GCNT4: variants seen among roughly 807,000 people sequenced by gnomAD.
The protein encoded by GCNT4 is glucosaminyl (N-acetyl) transferase 4.
GCNT4 carries 17 observed loss-of-function variants against 31.3 expected under a neutral mutation model. The observed-to-expected ratio is 0.54, with a 90% CI of 0.37 to 0.81. GCNT4 has a LOEUF of 0.81. Ranked by LOEUF, GCNT4 falls within the 40% of genes least tolerant of loss-of-function variation. The pLI is 0.00. For synonymous variants in GCNT4, 158 were observed against 190.6 expected (o/e 0.83, Z 1.41); for missense variants, 503 against 525.5 (o/e 0.96, Z 0.42).
chr5:75,034,483 T>C (rs952935124), intron 3 of GCNT4, among the ~76,000 whole-genome samples: 13 of 152,228 alleles, frequency 8.5e-5, no homozygotes, highest in African/African-American at 3.1e-4. Context: ...CAATGTCACC[T>C]TCTGCAAGCA....
rs181854839 is a variant in GCNT4 at position 75,028,885 on chromosome 5, A to C, written c.1153T>G (p.Ser385Ala). 26 of 1,614,080 alleles carry C rather than the reference A, an allele frequency of 1.6e-5. 1 individual carries two copies. In the Admixed American group the frequency reaches 4.0e-4, roughly 25 times the overall value. The change falls in exon 4 of 4, where the codon TCT (serine) becomes GCT (alanine). Residue 385 changes from serine to alanine, a missense_variant. Coordinates refer to ENST00000652361, the MANE Select transcript of GCNT4 (RefSeq NM_001366737.1). The stretch of plus-strand genomic sequence containing the variant: ...TAAATACACACGCTTCGAAGGTGAG[A>C]TCCAGTACAACTGGGATAGAAAAAG... ...EGFFYPSCTG[S>A]HLRSVCIYGA...
At position 75,029,719 on chromosome 5, in the gene GCNT4, T is replaced by C. The variant is rs200713167; in HGVS notation, c.319A>G (p.Thr107Ala). The C allele has an allele frequency of 6.2e-7, 1 of 1,614,118 alleles. No individual in the cohort carries two copies. The highest frequency in any genetic ancestry group is 8.5e-7 in the Non-Finnish European group (1 of 1,180,018). The change falls in exon 4 of 4, where the codon ACC (threonine) becomes GCC (alanine). Residue 107 changes from threonine (T) to alanine (A), a missense_variant. Transcript: ENST00000652361. The stretch of plus-strand genomic sequence containing the variant: ...GTCTGATAAATGTCACAATCACTGG[T>C]CATTGCCACAACATCATCATCCTCC... ...DLEDDDVVAM[T>A]SDCDIYQTLR...
upstream of GCNT4, among the ~76,000 whole-genome samples, chr5:75,053,958 T>G (rs575041962): frequency 6.6e-6 from 1 of 152,172 alleles, no homozygotes; most frequent in Admixed American, 6.5e-5. Flanking sequence ...CATCCGCGGC[T>G]CCTTTTTTCT....
chr5:75,039,313 C>G (rs1743268096), intron 3 of GCNT4, among the ~76,000 whole-genome samples: 1 of 152,128 alleles, frequency 6.6e-6, no homozygotes, highest in South Asian at 2.1e-4. Context: ...AGGTTGGTCT[C>G]GAACTCTTGA....
At chr5:75,052,001 A>C (rs993909069) in intron 2 of GCNT4, among the ~76,000 whole-genome samples, 168 bp downstream of exon 2, 8 of 152,208 alleles carry the variant, frequency 5.3e-5, no homozygotes, top group Non-Finnish European at 1.0e-4. Flanking sequence ...TATGCTCTCT[A>C]TAATGATTCA....
At chr5:75,037,842 C>T (rs182255901) in intron 3 of GCNT4, among the ~76,000 whole-genome samples, 13 of 151,644 alleles carry the variant, frequency 8.6e-5, no homozygotes, top group Non-Finnish European at 1.9e-4. Flanking sequence ...CATGCCAGTG[C>T]ACTCCAGCCT....
chr5:75,036,265 A>G (rs1268459741), intron 3 of GCNT4, among the ~76,000 whole-genome samples: 1 of 152,210 alleles, frequency 6.6e-6, no homozygotes, highest in Non-Finnish European at 1.5e-5. Context: ...AAGAGTTGTC[A>G]CTAGGTGCAC....
downstream of GCNT4, among the ~76,000 whole-genome samples, chr5:75,021,394 C>T (rs1213368762): frequency 1.3e-5 from 2 of 152,210 alleles, no homozygotes; most frequent in East Asian, 3.9e-4. Flanking sequence ...GCGCCCACTC[C>T]TTAGACCAAT....
chr5:75,019,816 G>A, the GCNT4 span, among the ~76,000 whole-genome samples: 2 of 152,138 alleles, frequency 1.3e-5, no homozygotes, highest in Non-Finnish European at 2.9e-5. Flanking sequence ...AGTTGCCTAG[G>A]TTCCTTTTAA....
intron 3 of GCNT4, among the ~76,000 whole-genome samples, chr5:75,047,106 TAA>T (rs1372515154): frequency 1.3e-5 from 2 of 152,232 alleles, no homozygotes; most frequent in Non-Finnish European, 2.9e-5. Context: ...ATCCACTATA[TAA>T]GTGTTCAATT....
chr5:75,042,731 TG>T (rs990802939), intron 3 of GCNT4, among the ~76,000 whole-genome samples: 8 of 152,176 alleles, frequency 5.3e-5, no homozygotes, highest in African/African-American at 1.9e-4. Flanking sequence ...TCCAATGTGG[TG>T]GGGAGCTCAG....
chr5:75,043,563 T>C (rs925928302), intron 3 of GCNT4, among the ~76,000 whole-genome samples: 1 of 152,218 alleles, frequency 6.6e-6, no homozygotes, highest in Non-Finnish European at 1.5e-5. Flanking sequence ...CTTCCACTTT[T>C]CTGCCTGGAA....
intron 3 of GCNT4, among the ~76,000 whole-genome samples, chr5:75,035,791 C>A (rs79459376): frequency 0.022 from 3,377 of 152,242 alleles, 39 homozygotes; most frequent in Middle Eastern, 0.075. Flanking sequence ...ACTGTTGATA[C>A]CTGCAGGTAC....
Position 75,029,270 on chromosome 5 carries a change from T to C in GCNT4, c.768A>G (p.Lys256=). 6.2e-7 allele frequency: 1 copy of C among 1,613,960 alleles called. No homozygotes were observed. The highest frequency in any genetic ancestry group is 2.2e-5 in the East Asian group (1 of 44,878). The change falls in exon 4 of 4, where the codon AAA becomes AAG. Residue 256 remains lysine, a synonymous_variant. Coordinates refer to ENST00000652361, the MANE Select transcript of GCNT4 (RefSeq NM_001366737.1). ...ATCTTTCCAATTTACTGTTTGGGGG[T>C]TTCACCGTCTCCAACATATTTGCTC... The part of the protein sequence containing the change: ...LNGANMLETV[K]PPNSKLERFT...
At chr5:75,034,120 A>G (rs1250120915) in intron 3 of GCNT4, among the ~76,000 whole-genome samples, 1 of 152,206 alleles carries the variant, frequency 6.6e-6, no homozygotes, top group Non-Finnish European at 1.5e-5. Context: ...TTTCTGTCAA[A>G]TCCTAAAAGG....
chr5:75,037,525 A>G lies in GCNT4; in HGVS notation c.-1-7487T>C, dbSNP rs1561375797. Among the ~76,000 whole-genome samples the G allele has an allele frequency of 2.6e-5, 4 of 152,344 alleles. No individual in the cohort carries two copies. The South Asian group carries it at 8.3e-4, about 32-fold the overall frequency. ...CAAGCATTTCTCAAATAATAATAAG[A>G]TATGGTCTCTAAAAGGAAAAGATTT... On this transcript the variant is annotated intron_variant, in intron 3 of 3. Coordinates refer to ENST00000652361, the MANE Select transcript of GCNT4 (RefSeq NM_001366737.1).
intron 3 of GCNT4, among the ~76,000 whole-genome samples, chr5:75,037,068 TTCTG>T (rs1383435761): frequency 6.6e-6 from 1 of 152,234 alleles, no homozygotes; most frequent in Non-Finnish European, 1.5e-5. Flanking sequence ...GGGCTTTTGC[TTCTG>T]TCTAAAGCCT....
chr5:75,030,366 G>T, intron 3 of GCNT4: 1 of 235,550 alleles, frequency 4.2e-6, no homozygotes, highest in South Asian at 7.2e-5. Context: ...AGGAGGGATT[G>T]CTCTGGTTTG....
chr5:75,041,192 G>A (rs1171023721), intron 3 of GCNT4, among the ~76,000 whole-genome samples: 2 of 152,184 alleles, frequency 1.3e-5, no homozygotes, highest in South Asian at 2.1e-4. Flanking sequence ...CATCCCTAAG[G>A]ACCACGGAAC....
Sources: gnomAD v4.1 joint callset for allele counts (sites outside exome capture counted in the v4.1 genomes callset) on GRCh38, gnomAD v4.1.1 for gene constraint, MANE v1.5 for transcripts, NCBI Gene and HGNC (gene_info 2026-07-23, HGNC 2026-07-21) for gene names.